FYB1: variants seen among roughly 807,000 people sequenced by gnomAD.
FYB1 encodes the protein FYN binding protein 1.
FYB1 carries 41 observed loss-of-function variants against 94.1 expected under a neutral mutation model. That is an observed-to-expected ratio of 0.44 (90% CI 0.34 to 0.57). The LOEUF is 0.57. FYB1 is among the 20% of genes least tolerant of loss of function. FYB1 has a pLI of 0.02. For synonymous variants in FYB1, 367 were observed against 353.2 expected (o/e 1.04, Z -0.44); for missense variants, 1,050 against 976.8 (o/e 1.07, Z -1.00).
At chr5:39,130,459 G>T in intron 10 of FYB1, 131 bp downstream of exon 10, 1 of 696,628 alleles carries the variant, frequency 1.4e-6, no homozygotes, top group Admixed American at 2.4e-5. Flanking sequence ...TCATGATGAT[G>T]GATAGCCTAA....
At chr5:39,137,427 C>T (rs1319208998) in intron 7 of FYB1, 173 bp downstream of exon 7, 2 of 586,466 alleles carry the variant, frequency 3.4e-6, no homozygotes, top group East Asian at 3.6e-5. Context: ...TATATTAGTT[C>T]AGGGATAAAA....
chr5:39,259,032 A>G (rs547128966), intron 1 of FYB1, among the ~76,000 whole-genome samples: 1 of 152,314 alleles, frequency 6.6e-6, no homozygotes, highest in South Asian at 2.1e-4. Flanking sequence ...TTGTGTTGGT[A>G]TAAACCAGTG....
At chr5:39,239,305 T>G (rs1473208974) in intron 1 of FYB1, among the ~76,000 whole-genome samples, 7 of 152,134 alleles carry the variant, frequency 4.6e-5, no homozygotes. Flanking sequence ...CTGGAAGTCC[T>G]AGCCAGAGCA....
chr5:39,259,628 T>C (rs1436298995), intron 1 of FYB1, among the ~76,000 whole-genome samples: 1 of 152,202 alleles, frequency 6.6e-6, no homozygotes, highest in Admixed American at 6.5e-5. Context: ...CCATGAAATA[T>C]ACAGTTATAT....
At chr5:39,146,451 T>G (rs1032601848) in intron 3 of FYB1, among the ~76,000 whole-genome samples, 43 of 152,222 alleles carry the variant, frequency 2.8e-4, no homozygotes, top group African/African-American at 1.0e-3. Flanking sequence ...ATTATTATGA[T>G]TATCCTTTTA....
chr5:39,270,923 C>CAT (rs1005493486), intron 1 of FYB1: 2 of 133,116 alleles, frequency 1.5e-5, no homozygotes, highest in Non-Finnish European at 2.7e-5. Context: ...TTTTTGGATA[C>CAT]ATATGTGTGT....
intron 2 of FYB1, among the ~76,000 whole-genome samples, chr5:39,191,576 G>T (rs1473659518): frequency 6.6e-6 from 1 of 151,956 alleles, no homozygotes; most frequent in Admixed American, 6.5e-5. Context: ...TTCTACCTTT[G>T]ATATGCCAGA....
At chr5:39,206,056 T>C (rs1039168871) in intron 1 of FYB1, among the ~76,000 whole-genome samples, 3 of 152,238 alleles carry the variant, frequency 2.0e-5, no homozygotes, top group Non-Finnish European at 4.4e-5. Context: ...ATTAATGTTA[T>C]GTCCGAATTT....
chr5:39,185,720 A>G (rs1212546287), intron 2 of FYB1, among the ~76,000 whole-genome samples: 2 of 151,764 alleles, frequency 1.3e-5, no homozygotes, highest in South Asian at 2.1e-4. Flanking sequence ...AGGAATCCCT[A>G]AAAGATTTGA....
At chr5:39,159,038 G>A (rs1049736565) in intron 2 of FYB1, among the ~76,000 whole-genome samples, 9 of 152,186 alleles carry the variant, frequency 5.9e-5, no homozygotes, top group African/African-American at 1.9e-4. Context: ...TACCTCAAAG[G>A]GTTTAAGGAT....
At chr5:39,110,900 T>G in intron 16 of FYB1, 1 of 233,956 alleles carries the variant, frequency 4.3e-6, no homozygotes, top group South Asian at 4.6e-5. Context: ...CTATGCATTG[T>G]AAATAGTCTC....
intron 2 of FYB1, chr5:39,170,235 G>C: frequency 1.1e-6 from 1 of 945,164 alleles, no homozygotes; most frequent in South Asian, 1.4e-5. Flanking sequence ...TGATGTTGCT[G>C]GTGGTGGTGT....
chr5:39,235,229 A>G (rs769375776), intron 1 of FYB1, among the ~76,000 whole-genome samples: 12 of 151,930 alleles, frequency 7.9e-5, no homozygotes, highest in Non-Finnish European at 1.5e-4. Context: ...AATGACTGTC[A>G]GAAAGCTTGA....
intron 1 of FYB1, among the ~76,000 whole-genome samples, chr5:39,225,952 T>A (rs1750453573): frequency 7.1e-6 from 1 of 140,786 alleles, no homozygotes; most frequent in East Asian, 2.1e-4. Flanking sequence ...AAGCCCACAG[T>A]CTGATCCAAG....
At chr5:39,210,674 C>T (rs756498691) in intron 1 of FYB1, among the ~76,000 whole-genome samples, 3 of 152,130 alleles carry the variant, frequency 2.0e-5, no homozygotes, top group Non-Finnish European at 4.4e-5. Context: ...TTGACTTTGC[C>T]ATGGCCTCTG....
intron 1 of FYB1, among the ~76,000 whole-genome samples, chr5:39,206,368 C>G (rs1170926660): frequency 2.0e-5 from 3 of 152,052 alleles, no homozygotes; most frequent in Non-Finnish European, 4.4e-5. Flanking sequence ...CCAGACTCAC[C>G]CTTAATCGTA....
rs1418735792 is a variant in FYB1, at chr5:39,202,826, G to A, written c.135C>T (p.Ala45=). ...RKNLFNNQGN[A]SPPAGPSNVP... ...CATTGCTGGGTCCTGCAGGAGGGCTGGCATTTCCTTGGTTGTTGAATAAGT... is the reference window on the plus strand; with the variant it reads ...CATTGCTGGGTCCTGCAGGAGGGCTAGCATTTCCTTGGTTGTTGAATAAGT... The change falls in exon 2 of 19, where the codon GCC becomes GCT. Residue 45 remains alanine, a synonymous_variant. Coordinates refer to ENST00000512982, the MANE Select transcript of FYB1 (RefSeq NM_001465.6). 1 of 1,613,934 alleles carries A rather than the reference G, an allele frequency of 6.2e-7. No homozygotes were observed. Among genetic ancestry groups the A allele is most frequent in the East Asian group, 2.2e-5 (1 of 44,870 alleles).
At chr5:39,238,706 G>A (rs1360286787) in intron 1 of FYB1, among the ~76,000 whole-genome samples, 1 of 152,056 alleles carries the variant, frequency 6.6e-6, no homozygotes, top group Non-Finnish European at 1.5e-5. Flanking sequence ...ATCTGTCTAG[G>A]AGCTTATCCA....
rs150712956 is a variant in FYB1 at position 39,172,084 on chromosome 5, T to C, written c.1136-18480A>G. Among the ~76,000 whole-genome samples, 702 of 151,480 alleles carry C rather than the reference T, an allele frequency of 4.6e-3. 3 individuals carry two copies. The highest frequency in any genetic ancestry group is 0.024 in the Middle Eastern group (7 of 290). On this transcript the variant is annotated intron_variant, in intron 2 of 18. Transcript: ENST00000512982. ...TTCTTTATATAATATGAACCACCAATTTTCTACACAGAAAGGGAACAGAAT... is the reference window on the plus strand; with the variant it reads ...TTCTTTATATAATATGAACCACCAACTTTCTACACAGAAAGGGAACAGAAT...
Sources: gnomAD v4.1 joint callset for allele counts (sites outside exome capture counted in the v4.1 genomes callset) on GRCh38, gnomAD v4.1.1 for gene constraint, MANE v1.5 for transcripts, NCBI Gene and HGNC (gene_info 2026-07-23, HGNC 2026-07-21) for gene names.